Variants in HYDIN observed in about 807,000 individuals in gnomAD.
HYDIN encodes the protein HYDIN axonemal central pair apparatus protein.
A neutral mutation model predicts 403.9 loss-of-function variants in HYDIN; 132 were observed. That is an observed-to-expected ratio of 0.33 (90% CI 0.28 to 0.38). The LOEUF (loss-of-function observed/expected upper bound fraction) is 0.38, where lower values mean the gene tolerates loss of function less well. Ranked by LOEUF, HYDIN falls within the 10% of genes least tolerant of loss-of-function variation. The pLI is 1.00. For missense variants in HYDIN, 2,827 were observed against 5,009.5 expected (o/e 0.56, Z 13.15); for synonymous variants, 1,202 against 1,891.7 (o/e 0.64, Z 9.46).
At chr16:70,976,993 A>G (rs900377347) in intron 30 of HYDIN, among the ~76,000 whole-genome samples, 1 of 151,946 alleles carries the variant, frequency 6.6e-6, no homozygotes, top group Non-Finnish European at 1.5e-5. Context: ...AGCAAAGCCA[A>G]CTCTGTGCTT....
chr16:71,213,912 C>T (rs1356549660), intron 1 of HYDIN, among the ~76,000 whole-genome samples: 1 of 151,934 alleles, frequency 6.6e-6, no homozygotes, highest in Non-Finnish European at 1.5e-5. Flanking sequence ...ATCACCATTC[C>T]AATCAACAGA....
intron 1 of HYDIN, among the ~76,000 whole-genome samples, chr16:71,196,346 A>C (rs2087697147): frequency 6.6e-6 from 1 of 152,202 alleles, no homozygotes; most frequent in Non-Finnish European, 1.5e-5. Context: ...CATCCAATTA[A>C]CTGAGTGCCT....
intron 41 of HYDIN, among the ~76,000 whole-genome samples, chr16:70,947,350 T>C (rs1175737334): frequency 1.3e-5 from 2 of 151,892 alleles, no homozygotes; most frequent in Non-Finnish European, 3.0e-5. Context: ...ATTTACTGAT[T>C]TGCGTATATT....
At position 70,807,879 on chromosome 16, in the gene HYDIN, G is replaced by A. The variant is rs371702252; in HGVS notation, c.15067C>T (p.Pro5023Ser). Residue 5023 changes from proline to serine, a missense_variant, in exon 86 of 86, where the codon CCT (proline) becomes TCT (serine). Transcript: ENST00000393567. The part of the protein sequence containing the change: ...YIIPLFGMAL[P>S]PKPQGPFSIR... ...GAGAAGGGACCTTGGGGCTTGGGAG[G>A]CAGAGCCATTCCAAAGAGGGGGATG... 1.7e-5 allele frequency: 27 copies of A among 1,614,056 alleles called. No homozygotes were observed. The highest frequency in any genetic ancestry group is 2.3e-5 in the Non-Finnish European group (27 of 1,180,030).
chr16:70,905,266 G>A (rs1025415248), intron 50 of HYDIN, among the ~76,000 whole-genome samples: 1 of 151,670 alleles, frequency 6.6e-6, no homozygotes, highest in African/African-American at 2.4e-5. Flanking sequence ...AAGGCTCCAG[G>A]TGCGTTACCC....
intron 22 of HYDIN, among the ~76,000 whole-genome samples, chr16:71,018,800 T>G (rs1268512336): frequency 1.3e-5 from 2 of 152,286 alleles, no homozygotes; most frequent in Non-Finnish European, 2.9e-5. Context: ...AAGTCTACAA[T>G]GAATAACTAT....
intron 9 of HYDIN, among the ~76,000 whole-genome samples, chr16:71,120,752 C>A (rs1404574516): frequency 1.7e-4 from 26 of 151,140 alleles, no homozygotes; most frequent in African/African-American, 5.8e-4. Context: ...TGCCCCCCTC[C>A]CAAAAAAAAA....
intron 65 of HYDIN, 69 bp downstream of exon 65, chr16:70,871,968 G>A: frequency 6.9e-7 from 1 of 1,446,856 alleles, no homozygotes; most frequent in Non-Finnish European, 9.4e-7. Context: ...ACGGGAAAGG[G>A]CTGACAATCA....
chr16:71,175,558 T>G (rs762766833), intron 5 of HYDIN, 49 bp downstream of exon 5: 1 of 1,577,634 alleles, frequency 6.3e-7, no homozygotes, highest in Non-Finnish European at 8.7e-7. Context: ...AGAATTGAAC[T>G]GCAATCTGCC....
At position 71,228,356 on chromosome 16, in the gene HYDIN, C is replaced by A. The variant is rs201791346; in HGVS notation, c.-24+2206G>T. Among the ~76,000 whole-genome samples the A allele has an allele frequency of 2.2e-4, 33 of 152,194 alleles. No individual in the cohort carries two copies. The East Asian group carries it at 4.4e-3, about 20-fold the overall frequency. The stretch of plus-strand genomic sequence containing the variant: ...AGCTTCTGCACAGCAAAAGAAACTA[C>A]CATCAGAGTGAACAGGCAACCTACA... On this transcript the variant is annotated intron_variant, in intron 1 of 85. Transcript: ENST00000393567.
At chr16:70,833,483 G>A (rs1392997839) in intron 79 of HYDIN, among the ~76,000 whole-genome samples, 1 of 125,104 alleles carries the variant, frequency 8.0e-6, no homozygotes, top group Non-Finnish European at 1.7e-5. Flanking sequence ...GATCCTGGGG[G>A]ATGGCGACAA....
At chr16:71,134,195 T>C (rs1370498551) in intron 8 of HYDIN, among the ~76,000 whole-genome samples, 2 of 152,112 alleles carry the variant, frequency 1.3e-5, no homozygotes, top group Non-Finnish European at 2.9e-5. Flanking sequence ...GACTTGAGTG[T>C]ATCTGTTGAA....
chr16:70,981,416 G>A lies in HYDIN; in HGVS notation c.4485C>T (p.Cys1495=). The change falls in exon 29 of 86, where the codon TGC becomes TGT. Residue 1495 remains cysteine (C), a synonymous_variant. Transcript: ENST00000393567. ...LSGEGIFPQI[C]LDLPRNLTAN... is the part of the protein sequence containing the mutation. ...CTGTGAGGTTCCTGGGGAGATCGAG[G>A]CAGATTTGGGGAAAGATTCCCTCTC... The A allele has an allele frequency of 1.2e-6, 2 of 1,613,652 alleles. No homozygotes were observed. The highest frequency in any genetic ancestry group is 1.1e-5 in the South Asian group (1 of 91,020).
chr16:71,186,931 C>T lies in HYDIN; in HGVS notation c.-23-13G>A, dbSNP rs758658868. On this transcript the variant is annotated splice_polypyrimidine_tract_variant and intron_variant, in intron 1 of 85. Transcript: ENST00000393567. ...TTTTTTTTCTCACCTAAGAGTGAAA[C>T]AAAAATGTCTTAGAACAAATACAGT... is the stretch of plus-strand genomic sequence containing the variant. 1.1e-5 allele frequency: 17 copies of T among 1,566,178 alleles called. No homozygotes were observed. Among genetic ancestry groups the T allele is most frequent in the Non-Finnish European group, 1.5e-5 (17 of 1,148,810 alleles).
Position 70,882,786 on chromosome 16 carries a change from C to T in HYDIN, c.10089G>A (p.Glu3363=), listed in dbSNP as rs2040890170. The T allele has an allele frequency of 2.0e-5, 30 of 1,498,348 alleles. No individual in the cohort carries two copies. The highest frequency in any genetic ancestry group is 2.6e-5 in the Non-Finnish European group (28 of 1,074,922). 92.8% of individuals were successfully genotyped at this position (1,498,348 alleles called of 1,614,324 possible). A position where few individuals can be genotyped will look rare whatever the true frequency, so the allele number is the denominator to read the frequency against. The change falls in exon 60 of 86, where the codon GAG becomes GAA. Residue 3363 remains glutamate (E), a synonymous_variant. Coordinates refer to ENST00000393567, the MANE Select transcript of HYDIN (RefSeq NM_001270974.2). The part of the protein sequence containing the change: ...QTIESGGLFV[E]DENKFIFCNV... ...TGCAGAAGATGAACTTGTTCTCATC[C>T]TCGACGAACAGCCCCCCGCTCTCTA...
At chr16:71,103,900 A>G (rs1177979331) in intron 10 of HYDIN, among the ~76,000 whole-genome samples, 2 of 152,210 alleles carry the variant, frequency 1.3e-5, no homozygotes, top group African/African-American at 4.8e-5. Flanking sequence ...TTACCAATCT[A>G]TGAACAAGCT....
chr16:71,117,776 G>T (rs2084097080), intron 9 of HYDIN, among the ~76,000 whole-genome samples: 2 of 152,180 alleles, frequency 1.3e-5, no homozygotes, highest in East Asian at 1.9e-4. Context: ...AGAACAAAAT[G>T]GTTTAAAAAT....
chr16:71,037,205 G>A (rs1010409373), intron 18 of HYDIN, among the ~76,000 whole-genome samples: 2 of 143,796 alleles, frequency 1.4e-5, no homozygotes, highest in African/African-American at 2.5e-5. Context: ...GTGAGACAGT[G>A]CAGGTAAAAT....
intron 79 of HYDIN, among the ~76,000 whole-genome samples, chr16:70,833,597 T>C: frequency 7.5e-6 from 1 of 132,636 alleles, no homozygotes. Flanking sequence ...GTGAAATGGG[T>C]TGGTAGCAGT....
Sources: allele counts gnomAD v4.1 joint callset (sites outside exome capture counted in the v4.1 genomes callset), GRCh38; gene constraint gnomAD v4.1.1; transcripts MANE v1.5; gene names NCBI Gene and HGNC (gene_info 2026-07-23, HGNC 2026-07-21).